The following ZNF33A variants were observed in gnomAD, a reference collection of about 807,000 sequenced individuals.
ZNF33A encodes the protein zinc finger protein 33A.
In ZNF33A, 9 loss-of-function variants were observed where a neutral mutation model predicts 15.9. The ratio of observed to expected loss-of-function variants is 0.57; its 90% CI spans 0.34 to 0.99. The LOEUF (loss-of-function observed/expected upper bound fraction) is 0.99, where lower values mean the gene tolerates loss of function less well. Ranked by LOEUF, ZNF33A falls within the 50% of genes least tolerant of loss-of-function variation. The pLI, the probability that ZNF33A is intolerant of heterozygous loss-of-function variation, is 0.02. For synonymous variants in ZNF33A, 294 were observed against 324.2 expected (o/e 0.91, Z 1.00); for missense variants, 843 against 941.6 (o/e 0.90, Z 1.37).
intron 4 of ZNF33A, among the ~76,000 whole-genome samples, chr10:38,052,575 G>A (rs1232086406): frequency 6.6e-6 from 1 of 152,060 alleles, no homozygotes; most frequent in African/African-American, 2.4e-5. Context: ...TAATTAGCAG[G>A]ATTTCTTGTA....
intron 1 of ZNF33A, 123 bp from the exon 2 acceptor site, chr10:38,012,175 T>G: frequency 2.3e-6 from 2 of 886,292 alleles, no homozygotes; most frequent in Non-Finnish European, 3.5e-6. Context: ...CAGAGGACAT[T>G]GATACTCTCC....
chr10:38,063,999 G>A (rs2066685840), downstream of ZNF33A: 3 of 1,262,422 alleles, frequency 2.4e-6, no homozygotes, highest in Admixed American at 5.3e-5. Context: ...AGGAAAACAG[G>A]AAGAAAAGAG....
downstream of ZNF33A, among the ~76,000 whole-genome samples, chr10:38,066,860 A>C (rs1590740244): frequency 6.6e-6 from 1 of 152,072 alleles, no homozygotes; most frequent in African/African-American, 2.4e-5. Context: ...TGAACCTGGG[A>C]GGTGGAGGTT....
intron 2 of ZNF33A, among the ~76,000 whole-genome samples, chr10:38,014,484 C>A (rs1454597331): frequency 6.6e-6 from 1 of 152,110 alleles, no homozygotes; most frequent in Non-Finnish European, 1.5e-5. Context: ...TAAAATATTT[C>A]TTGTTTTGGC....
chr10:38,054,349 G>A (rs369804080), intron 4 of ZNF33A, 26 bp from the exon 5 acceptor site: 31 of 1,502,006 alleles, frequency 2.1e-5, no homozygotes, highest in Non-Finnish European at 2.7e-5. Flanking sequence ...TATTTATGTG[G>A]TAAGATTAAT....
intron 1 of ZNF33A, 86 bp from the exon 2 acceptor site, chr10:38,012,212 G>A: frequency 7.3e-7 from 1 of 1,375,640 alleles, no homozygotes; most frequent in Non-Finnish European, 1.0e-6. Context: ...CCTAGTGGGT[G>A]TGTATGGCTT....
chr10:38,024,308 T>C (rs1221375944), intron 4 of ZNF33A, among the ~76,000 whole-genome samples: 2 of 152,008 alleles, frequency 1.3e-5, no homozygotes, highest in South Asian at 2.1e-4. Flanking sequence ...AAAAACATAA[T>C]ACCACTTATT....
At chr10:38,032,443 A>AT (rs978342915) in intron 4 of ZNF33A, among the ~76,000 whole-genome samples, 5 of 151,922 alleles carry the variant, frequency 3.3e-5, no homozygotes, top group East Asian at 1.9e-4. Context: ...ATTCCTGACA[A>AT]TTTTTTTTAC....
intron 1 of ZNF33A, among the ~76,000 whole-genome samples, 181 bp downstream of exon 1, chr10:38,010,964 C>T (rs1376283842): frequency 6.6e-6 from 1 of 152,204 alleles, no homozygotes; most frequent in Non-Finnish European, 1.5e-5. Flanking sequence ...AAGGCGCGGC[C>T]TCTGTACGGA....
intron 4 of ZNF33A, among the ~76,000 whole-genome samples, chr10:38,048,381 A>C (rs1234400421): frequency 6.6e-6 from 1 of 152,240 alleles, no homozygotes; most frequent in Non-Finnish European, 1.5e-5. Flanking sequence ...TAAAGTATAT[A>C]CTATTGGAAG....
At chr10:38,035,111 C>CTTTTTTTTTTTTTTTTTTTTTTTTTTTT (rs71007683) in intron 4 of ZNF33A, among the ~76,000 whole-genome samples, 2 of 85,772 alleles carry the variant, frequency 2.3e-5, no homozygotes, top group Non-Finnish European at 2.0e-5. Flanking sequence ...CATTTACTTT[C>CTTTTTTTTTTTTTTTTTTTTTTTTTTTT]TTTTTTTTTT....
chr10:38,046,630 C>G (rs553644830), intron 4 of ZNF33A, among the ~76,000 whole-genome samples: 34 of 152,214 alleles, frequency 2.2e-4, no homozygotes, highest in African/African-American at 8.2e-4. Flanking sequence ...GAAATATTAC[C>G]AGACTTACAG....
At chr10:38,027,832 A>G (rs987679572) in intron 4 of ZNF33A, among the ~76,000 whole-genome samples, 1 of 152,164 alleles carries the variant, frequency 6.6e-6, no homozygotes, top group African/African-American at 2.4e-5. Flanking sequence ...TTATGACTTA[A>G]TCTATTTTGG....
rs2066499050 is a variant in ZNF33A at position 38,056,614 on chromosome 10, A to G, written c.*54A>G. 5 of 1,508,216 alleles carry G rather than the reference A, an allele frequency of 3.3e-6. No individual in the cohort carries two copies. Among genetic ancestry groups the G allele is most frequent in the Non-Finnish European group, 4.4e-6 (5 of 1,135,056 alleles). The allele number at this position is 1,508,216 out of a possible 1,614,324, so 93.4% of individuals were successfully genotyped here. Reference sequence around the variant, plus strand: ...CAAAGTAATAGTAGGGGATAAACCCATAGACTACAACAATTATAGGACAGC... The same window carrying G: ...CAAAGTAATAGTAGGGGATAAACCCGTAGACTACAACAATTATAGGACAGC... On this transcript the variant is annotated 3_prime_UTR_variant, in exon 5 of 5. Transcript: ENST00000432900.
chr10:38,020,646 G>A (rs1413951988), intron 4 of ZNF33A, among the ~76,000 whole-genome samples: 1 of 152,144 alleles, frequency 6.6e-6, no homozygotes, highest in Non-Finnish European at 1.5e-5. Flanking sequence ...CGTCTAGGTT[G>A]TTGCATATGA....
At chr10:38,010,885 G>C (rs372231555) in intron 1 of ZNF33A, 102 bp downstream of exon 1, 7 of 1,426,352 alleles carry the variant, frequency 4.9e-6, no homozygotes, top group Admixed American at 1.9e-5. Context: ...GAGGCCCGGG[G>C]ACCTCATAGG....
intron 4 of ZNF33A, among the ~76,000 whole-genome samples, chr10:38,048,698 A>G (rs770792892): frequency 6.6e-6 from 1 of 152,276 alleles, no homozygotes; most frequent in Middle Eastern, 3.4e-3. Context: ...TTTCATATCG[A>G]TAGAGATCCA....
chr10:38,010,902 C>A, intron 1 of ZNF33A, 119 bp downstream of exon 1: 2 of 1,231,536 alleles, frequency 1.6e-6, no homozygotes, highest in Non-Finnish European at 2.3e-6. Context: ...TAGGGGAAGG[C>A]GGGGACGGCG....
Position 38,054,909 on chromosome 10 carries a change from T to C in ZNF33A, c.785T>C (p.Leu262Pro), listed in dbSNP as rs200374208. 1,648 of 1,613,920 alleles carry C rather than the reference T, an allele frequency of 1.0e-3. 30 individuals carry two copies. In the South Asian group the frequency reaches 0.017, roughly 17 times the overall value. Residue 262 changes from leucine to proline, a missense_variant, in exon 5 of 5, where the codon CTC becomes CCC. Coordinates refer to ENST00000432900, the MANE Select transcript of ZNF33A (RefSeq NM_006954.2). ...FGRTLCDSSS[L>P]LFHQISPSRD... ...AGAACTTTGTGTGATAGTTCATCCC[T>C]CTTGTTCCATCAGATATCTCCGTCA...
Sources: allele counts gnomAD v4.1 joint callset (sites outside exome capture counted in the v4.1 genomes callset), GRCh38; gene constraint gnomAD v4.1.1; transcripts MANE v1.5; gene names NCBI Gene and HGNC (gene_info 2026-07-23, HGNC 2026-07-21).